GSTCD: variants seen among roughly 807,000 people sequenced by gnomAD.
GSTCD encodes the protein glutathione S-transferase C-terminal domain-containing protein.
In GSTCD, 44 loss-of-function variants were observed where a neutral mutation model predicts 68.3. That is an observed-to-expected ratio of 0.64 (90% confidence interval 0.51 to 0.83). GSTCD has a LOEUF of 0.83. Among genes scored for constraint, GSTCD ranks in the 40% least tolerant of loss-of-function variants. The pLI is 0.00. For synonymous variants in GSTCD, 273 were observed against 255.2 expected (o/e 1.07, Z -0.67); for missense variants, 739 against 735.9 (o/e 1.00, Z -0.05).
intron 5 of GSTCD, among the ~76,000 whole-genome samples, chr4:105,792,790 G>A (rs77616388): frequency 1.3e-5 from 2 of 151,954 alleles, no homozygotes; most frequent in Admixed American, 6.5e-5. Flanking sequence ...TTTTAGAATT[G>A]TGAATCTTTA....
In GSTCD at chr4:105,734,277, C is replaced by T. The variant is rs186936675; in HGVS notation, c.1240+4778C>T. Among the ~76,000 whole-genome samples the T allele has an allele frequency of 5.7e-4, 87 of 152,242 alleles. 1 individual carries two copies. The East Asian group carries it at 0.013, about 23-fold the overall frequency. Reference sequence around the variant, plus strand: ...AGTTCTCCTGGATAATATCCTGCAGCGTGTTTTCCAACTTGGTTCCATTCT... The same window carrying T: ...AGTTCTCCTGGATAATATCCTGCAGTGTGTTTTCCAACTTGGTTCCATTCT... On this transcript the variant is annotated intron_variant, in intron 5 of 11. Transcript: ENST00000515279.
rs774391651 is a variant in GSTCD, at chr4:105,719,423, A to G, written c.790A>G (p.Lys264Glu). 8 of 1,614,112 alleles carry G rather than the reference A, an allele frequency of 5.0e-6. No individual in the cohort carries two copies. In the South Asian group the frequency reaches 7.7e-5, roughly 16 times the overall value. Residue 264 changes from lysine to glutamate, a missense_variant, in exon 3 of 12, where the codon AAA (lysine) becomes GAA (glutamate). Transcript: ENST00000515279. ...CAACAGAGAGCCTTCTCACATCAGA[A>G]AAGCAAAAGCCTCCGACCTTCCACC... ...TTNREPSHIR[K>E]AKASDLPPLE...
At chr4:105,727,557 T>C (rs1733083326) in intron 4 of GSTCD, among the ~76,000 whole-genome samples, 2 of 151,848 alleles carry the variant, frequency 1.3e-5, no homozygotes, top group Admixed American at 1.3e-4. Context: ...TAAAGATTAA[T>C]ATCTCAATTT....
chr4:105,788,810 A>G (rs1203591328), intron 5 of GSTCD, among the ~76,000 whole-genome samples: 2 of 152,084 alleles, frequency 1.3e-5, no homozygotes, highest in Non-Finnish European at 2.9e-5. Context: ...TATGATAACT[A>G]AATAAATTTC....
At chr4:105,724,592 A>G (rs916134902) in intron 3 of GSTCD, among the ~76,000 whole-genome samples, 8 of 150,890 alleles carry the variant, frequency 5.3e-5, no homozygotes, top group Non-Finnish European at 8.8e-5. Flanking sequence ...ATTATGCCTA[A>G]TAGTTCACAC....
chr4:105,823,208 G>GTTTGTCTTACTGAAT (rs761466042), intron 6 of GSTCD, 23 bp from the exon 7 acceptor site: 32 of 1,613,398 alleles, frequency 2.0e-5, no homozygotes, highest in Non-Finnish European at 2.4e-5. Context: ...AAGCTAACTT[G>GTTTGTCTTACTGAAT]TTTGTCTTAC....
intron 5 of GSTCD, among the ~76,000 whole-genome samples, chr4:105,784,181 C>T (rs1020473896): frequency 4.6e-5 from 7 of 152,082 alleles, no homozygotes; most frequent in South Asian, 2.1e-4. Flanking sequence ...TAGCATCTGT[C>T]GTAGTTTGTT....
At chr4:105,716,436 G>T (rs911747166) in intron 1 of GSTCD, among the ~76,000 whole-genome samples, 1 of 152,160 alleles carries the variant, frequency 6.6e-6, no homozygotes, top group African/African-American at 2.4e-5. Context: ...CAACCCCTGG[G>T]CCCAGGACTA....
Position 105,791,396 on chromosome 4 carries a change from A to AG in GSTCD, c.1241-31558_1241-31557insG, listed in dbSNP as rs1735669206. ...CAACAGAGCGAGACTCCGTCTCAAA[A>AG]AAAAAAAAAAAAAGAAAAAAGGAAC... On this transcript the variant is annotated intron_variant, in intron 5 of 11. Transcript: ENST00000515279. Among the ~76,000 whole-genome samples the AG allele has an allele frequency of 2.0e-5, 3 of 150,962 alleles. 1 individual carries two copies. Among genetic ancestry groups the AG allele is most frequent in the African/African-American group, 7.3e-5 (3 of 41,090 alleles).
chr4:105,718,048 A>C lies in GSTCD; in HGVS notation c.426+9A>C. ...TGAAAGCCTGTGCTGAAGTAAGTAT[A>C]ATGTCTTTTTTCTGTTATTTGAAGC... On this transcript the variant is annotated intron_variant, in intron 2 of 11. Coordinates refer to ENST00000515279, the MANE Select transcript of GSTCD (RefSeq NM_001370181.1). 3 of 1,572,990 alleles carry C rather than the reference A, an allele frequency of 1.9e-6. No individual in the cohort carries two copies. The highest frequency in any genetic ancestry group is 2.6e-6 in the Non-Finnish European group (3 of 1,163,798).
chr4:105,775,777 G>T (rs1021972121), intron 5 of GSTCD, among the ~76,000 whole-genome samples: 8 of 152,212 alleles, frequency 5.3e-5, no homozygotes, highest in Non-Finnish European at 1.2e-4. Flanking sequence ...TGTATGAGGT[G>T]TCTGTTGACC....
chr4:105,840,763 T>C (rs995543112), intron 10 of GSTCD, among the ~76,000 whole-genome samples: 2 of 152,210 alleles, frequency 1.3e-5, no homozygotes, highest in African/African-American at 4.8e-5. Context: ...CACTCTTTTC[T>C]AAGACTGTTA....
chr4:105,728,495 C>G (rs1046775918), intron 4 of GSTCD, among the ~76,000 whole-genome samples: 54 of 152,206 alleles, frequency 3.5e-4, no homozygotes, highest in African/African-American at 1.3e-3. Context: ...AGCCATATCT[C>G]TAGCCCTAAT....
At position 105,825,652 on chromosome 4, in the gene GSTCD, GT is replaced by G. The variant is rs750025386; in HGVS notation, c.1402-16del. On this transcript the variant is annotated intron_variant, in intron 7 of 11. Coordinates refer to ENST00000515279, the MANE Select transcript of GSTCD (RefSeq NM_001370181.1). ...GAATTATGTTACTAAATATACTATTGTTTTCTGGGTAAAATCTAGGTTACAT... is the reference window on the plus strand; with the variant it reads ...GAATTATGTTACTAAATATACTATTGTTTCTGGGTAAAATCTAGGTTACAT... 14 of 1,354,478 alleles carry G rather than the reference GT, an allele frequency of 1.0e-5. No homozygotes were observed. Among genetic ancestry groups the G allele is most frequent in the Non-Finnish European group, 1.4e-5 (13 of 952,994 alleles). 83.9% of individuals were successfully genotyped at this position (1,354,478 alleles called of 1,614,324 possible).
intron 1 of GSTCD, among the ~76,000 whole-genome samples, chr4:105,715,602 T>C (rs1439752118): frequency 6.6e-6 from 1 of 151,942 alleles, no homozygotes; most frequent in Non-Finnish European, 1.5e-5. Context: ...TTTTTTATAA[T>C]GGATTACAAG....
chr4:105,821,398 G>A (rs1723284845), intron 5 of GSTCD, among the ~76,000 whole-genome samples: 1 of 151,658 alleles, frequency 6.6e-6, no homozygotes, highest in Admixed American at 6.6e-5. Flanking sequence ...ATGAAGGGTG[G>A]GATTACAGCT....
intron 5 of GSTCD, among the ~76,000 whole-genome samples, chr4:105,759,286 G>A (rs560023225): frequency 6.6e-6 from 1 of 152,150 alleles, no homozygotes; most frequent in African/African-American, 2.4e-5. Context: ...TCTCTACATT[G>A]TGCTAACGGA....
At chr4:105,782,570 G>A (rs1463161061) in intron 5 of GSTCD, among the ~76,000 whole-genome samples, 1 of 151,928 alleles carries the variant, frequency 6.6e-6, no homozygotes, top group East Asian at 1.9e-4. Context: ...ATAATATATA[G>A]GAATTATGAT....
At chr4:105,774,290 G>A (rs1288548915) in intron 5 of GSTCD, among the ~76,000 whole-genome samples, 1 of 152,120 alleles carries the variant, frequency 6.6e-6, no homozygotes, top group Non-Finnish European at 1.5e-5. Context: ...ACACTGATGG[G>A]TCTTGACTGT....
Sources: allele counts gnomAD v4.1 joint callset (sites outside exome capture counted in the v4.1 genomes callset), GRCh38; gene constraint gnomAD v4.1.1; transcripts MANE v1.5; gene names NCBI Gene and HGNC (gene_info 2026-07-23, HGNC 2026-07-21).